The following HPCAL1 variants were observed in gnomAD, a reference collection of about 807,000 sequenced individuals.
The protein encoded by HPCAL1 is hippocalcin-like protein 1.
Under a neutral mutation model 17.1 loss-of-function variants are expected in HPCAL1, and 8 were observed. The ratio of observed to expected loss-of-function variants is 0.47; its 90% CI spans 0.27 to 0.84. The LOEUF is 0.84. HPCAL1 is among the 40% of genes least tolerant of loss of function. HPCAL1 has a pLI of 0.13. For missense variants in HPCAL1, 165 were observed against 271.1 expected (o/e 0.61, Z 2.75); for synonymous variants, 112 against 111.4 (o/e 1.01, Z -0.03).
chr2:10,391,228 A>C (rs1668673429), intron 1 of HPCAL1, among the ~76,000 whole-genome samples: 1 of 151,424 alleles, frequency 6.6e-6, no homozygotes, highest in African/African-American at 2.4e-5. Context: ...TGAGGCTGCC[A>C]GGGGGGTTTG....
At chr2:10,335,975 A>G (rs1257117189) in intron 1 of HPCAL1, among the ~76,000 whole-genome samples, 1 of 138,882 alleles carries the variant, frequency 7.2e-6, no homozygotes. Flanking sequence ...GCATGTTCAT[A>G]TCCTCTGCTG....
chr2:10,350,360 C>A (rs1665767368), intron 1 of HPCAL1, among the ~76,000 whole-genome samples: 1 of 150,076 alleles, frequency 6.7e-6, no homozygotes, highest in Admixed American at 6.7e-5. Context: ...TGCTCTGTTG[C>A]CCAGGCTGGA....
intron 1 of HPCAL1, among the ~76,000 whole-genome samples, chr2:10,379,080 C>T (rs1418433310): frequency 6.6e-6 from 1 of 152,036 alleles, no homozygotes; most frequent in African/African-American, 2.4e-5. Flanking sequence ...GTAATCCCAG[C>T]ACTTTGTGAG....
At chr2:10,399,532 CCACCGCCACCAT>C (rs1240026673) in intron 2 of HPCAL1, among the ~76,000 whole-genome samples, 1 of 111,980 alleles carries the variant, frequency 8.9e-6, no homozygotes, top group Non-Finnish European at 1.8e-5. Context: ...ACCGCCACTG[CCACCGCCACCAT>C]CACCGCCACC....
chr2:10,409,686 C>A (rs148109278), intron 2 of HPCAL1, among the ~76,000 whole-genome samples: 1 of 148,724 alleles, frequency 6.7e-6, no homozygotes, highest in Non-Finnish European at 1.5e-5. Context: ...CCAGGAAGAA[C>A]AAGCTCTCAT....
At chr2:10,392,496 G>T (rs919467753) in intron 1 of HPCAL1, among the ~76,000 whole-genome samples, 2 of 152,228 alleles carry the variant, frequency 1.3e-5, no homozygotes, top group Non-Finnish European at 2.9e-5. Flanking sequence ...CTGGTAGTTT[G>T]TGTCTTTCTA....
chr2:10,379,942 C>A (rs1052805675), intron 1 of HPCAL1, among the ~76,000 whole-genome samples: 3 of 152,188 alleles, frequency 2.0e-5, no homozygotes, highest in African/African-American at 7.2e-5. Context: ...TGTGGCCCAA[C>A]CATGAATACT....
chr2:10,317,867 C>T lies in HPCAL1; in HGVS notation c.-111+14690C>T, dbSNP rs12692401. Among the ~76,000 whole-genome samples the T allele has an allele frequency of 3.3e-5, 5 of 152,242 alleles. No individual in the cohort carries two copies. The East Asian group carries it at 9.7e-4, about 29-fold the overall frequency. Reference sequence around the variant, plus strand: ...GAAGCCCACAAGGGGGCCCTGGGCTCACCCGTTCCTGGCTCACATTCACTG... The same window carrying T: ...GAAGCCCACAAGGGGGCCCTGGGCTTACCCGTTCCTGGCTCACATTCACTG... On this transcript the variant is annotated intron_variant, in intron 1 of 4. Coordinates refer to ENST00000307845, the MANE Select transcript of HPCAL1 (RefSeq NM_002149.4).
chr2:10,406,889 G>A (rs1207158768), intron 2 of HPCAL1, among the ~76,000 whole-genome samples: 1 of 152,172 alleles, frequency 6.6e-6, no homozygotes, highest in East Asian at 1.9e-4. Context: ...TCTCTTGGGC[G>A]TTTCCCTTTT....
At chr2:10,348,968 T>A (rs1201137872) in intron 1 of HPCAL1, among the ~76,000 whole-genome samples, 5 of 152,220 alleles carry the variant, frequency 3.3e-5, no homozygotes, top group Non-Finnish European at 5.9e-5. Context: ...ACATTCAGCA[T>A]CTATTTCAGC....
At chr2:10,320,009 C>T (rs928481202) in intron 1 of HPCAL1, among the ~76,000 whole-genome samples, 3 of 152,018 alleles carry the variant, frequency 2.0e-5, no homozygotes, top group Admixed American at 2.0e-4. Context: ...AACCTGCCTG[C>T]CTGGGAGGCC....
At position 10,315,428 on chromosome 2, in the gene HPCAL1, C is replaced by G. The variant is rs7557574; in HGVS notation, c.-111+12251C>G. Among the ~76,000 whole-genome samples, 152 of 152,244 alleles carry G rather than the reference C, an allele frequency of 1.0e-3. 1 individual carries two copies. The highest frequency in any genetic ancestry group is 3.5e-3 in the African/African-American group (147 of 41,550). On this transcript the variant is annotated intron_variant, in intron 1 of 4. Transcript: ENST00000307845. Reference sequence around the variant, plus strand: ...GTATTCCATGGGATCATGGGTCTTTCTTGATTTTTCATGTTTTGCCACATT... The same window carrying G: ...GTATTCCATGGGATCATGGGTCTTTGTTGATTTTTCATGTTTTGCCACATT...
intron 1 of HPCAL1, among the ~76,000 whole-genome samples, chr2:10,333,970 A>G (rs1664546701): frequency 6.6e-6 from 1 of 152,206 alleles, no homozygotes. Context: ...AAATAAGACC[A>G]TATTTTTGTT....
At chr2:10,378,769 A>G (rs1667752887) in intron 1 of HPCAL1, among the ~76,000 whole-genome samples, 1 of 152,142 alleles carries the variant, frequency 6.6e-6, no homozygotes, top group Non-Finnish European at 1.5e-5. Flanking sequence ...AACTGGAGAG[A>G]GGCTGCTGTT....
intron 1 of HPCAL1, among the ~76,000 whole-genome samples, chr2:10,316,295 C>T (rs1663310128): frequency 6.6e-6 from 1 of 152,154 alleles, no homozygotes; most frequent in East Asian, 1.9e-4. Flanking sequence ...TAATATGTTT[C>T]AGCTCCCTTT....
intron 1 of HPCAL1, among the ~76,000 whole-genome samples, chr2:10,386,735 A>G (rs72610735): frequency 6.6e-6 from 1 of 151,840 alleles, no homozygotes; most frequent in East Asian, 1.9e-4. Context: ...GGTGGAGGAG[A>G]CCACGCTTCA....
chr2:10,400,937 C>T (rs1669568397), intron 2 of HPCAL1, among the ~76,000 whole-genome samples: 1 of 152,248 alleles, frequency 6.6e-6, no homozygotes, highest in African/African-American at 2.4e-5. Context: ...GCATCTGCTC[C>T]ATGTCGGGCT....
intron 1 of HPCAL1, among the ~76,000 whole-genome samples, chr2:10,314,024 G>A (rs534067279): frequency 6.6e-6 from 1 of 151,918 alleles, no homozygotes; most frequent in East Asian, 1.9e-4. Flanking sequence ...CCAGCTACTC[G>A]GGAGGCTGAG....
At chr2:10,371,269 G>A (rs1002118595) in intron 1 of HPCAL1, among the ~76,000 whole-genome samples, 1 of 152,178 alleles carries the variant, frequency 6.6e-6, no homozygotes, top group African/African-American at 2.4e-5. Context: ...CTCCTTGGAG[G>A]TGACTGTGCC....
Sources: gnomAD v4.1 joint callset for allele counts (sites outside exome capture counted in the v4.1 genomes callset) on GRCh38, gnomAD v4.1.1 for gene constraint, MANE v1.5 for transcripts, NCBI Gene and HGNC (gene_info 2026-07-23, HGNC 2026-07-21) for gene names.